Variants in DENND1A observed in about 807,000 individuals in gnomAD.
DENND1A encodes DENN domain containing 1A.
Under a neutral mutation model 113.7 loss-of-function variants are expected in DENND1A, and 51 were observed. That is an observed-to-expected ratio of 0.45 (90% CI 0.36 to 0.57). The LOEUF (loss-of-function observed/expected upper bound fraction) is 0.57. DENND1A is among the 20% of genes least tolerant of loss of function. The probability of loss-of-function intolerance (pLI) is 0.00; values close to 1 mark genes in which losing one functional copy is unlikely to be tolerated. For synonymous variants in DENND1A, 565 were observed against 570.8 expected, an observed-to-expected ratio of 0.99 and a Z score of 0.14; for missense variants, 1,258 against 1,395.9, an observed-to-expected ratio of 0.90 and a Z score of 1.57.
chr9:123,897,519 G>GTGT (rs1195648461), intron 1 of DENND1A, among the ~76,000 whole-genome samples: 1 of 152,152 alleles, frequency 6.6e-6, no homozygotes, highest in Admixed American at 6.5e-5. Flanking sequence ...GCGAAGCCCA[G>GTGT]ACTACATACA....
chr9:123,609,507 G>A, intron 10 of DENND1A, 26 bp from the exon 11 acceptor site: 1 of 1,610,142 alleles, frequency 6.2e-7, no homozygotes. Flanking sequence ...GAGACACACA[G>A]CTGCTTTAAT....
chr9:123,503,317 A>C (rs749329017), intron 13 of DENND1A, among the ~76,000 whole-genome samples: 3 of 152,168 alleles, frequency 2.0e-5, no homozygotes, highest in Non-Finnish European at 4.4e-5. Context: ...AGATGGTTTC[A>C]AGGAATAGCT....
At chr9:123,532,270 A>T (rs1490458033) in intron 13 of DENND1A, among the ~76,000 whole-genome samples, 1 of 152,258 alleles carries the variant, frequency 6.6e-6, no homozygotes, top group Non-Finnish European at 1.5e-5. Context: ...GATGATCAAA[A>T]TTAGAAAATT....
At chr9:123,557,508 C>T (rs1564714204) in intron 13 of DENND1A, 62 bp downstream of exon 13, 2 of 1,587,748 alleles carry the variant, frequency 1.3e-6, no homozygotes, top group African/African-American at 1.3e-5. Flanking sequence ...TCTTGTGGCC[C>T]CTGAGGTATG....
chr9:123,614,949 A>C (rs1268537842), intron 10 of DENND1A, among the ~76,000 whole-genome samples: 1 of 152,252 alleles, frequency 6.6e-6, no homozygotes, highest in Non-Finnish European at 1.5e-5. Context: ...TTGTGGTTTT[A>C]AATTCTGCTC....
chr9:123,591,020 T>C (rs2059431077), intron 11 of DENND1A, among the ~76,000 whole-genome samples: 1 of 152,140 alleles, frequency 6.6e-6, no homozygotes, highest in Non-Finnish European at 1.5e-5. Flanking sequence ...ATTTTTAACT[T>C]TTTCAATTCA....
intron 13 of DENND1A, among the ~76,000 whole-genome samples, chr9:123,499,727 G>C (rs894074154): frequency 1.3e-5 from 2 of 152,196 alleles, no homozygotes; most frequent in African/African-American, 2.4e-5. Flanking sequence ...TGTTGATGTT[G>C]GAAATTCATC....
chr9:123,413,293 T>C, intron 19 of DENND1A: 1 of 513,534 alleles, frequency 1.9e-6, no homozygotes, highest in Non-Finnish European at 2.5e-6. Context: ...TGATTACATG[T>C]TGAAATAATA....
chr9:123,650,808 G>A (rs1288133315), intron 9 of DENND1A, among the ~76,000 whole-genome samples: 1 of 147,060 alleles, frequency 6.8e-6, no homozygotes, highest in East Asian at 2.0e-4. Flanking sequence ...TTGGGTGACT[G>A]AAGCAAGAGA....
intron 22 of DENND1A, among the ~76,000 whole-genome samples, chr9:123,386,321 A>G (rs1298104771): frequency 6.6e-6 from 1 of 151,988 alleles, no homozygotes; most frequent in Non-Finnish European, 1.5e-5. Context: ...TTTGACATAC[A>G]GCAAAAGTGA....
chr9:123,626,879 G>T (rs111645419), intron 10 of DENND1A, among the ~76,000 whole-genome samples: 5 of 152,290 alleles, frequency 3.3e-5, no homozygotes, highest in African/African-American at 1.2e-4. Context: ...TCAGGAGACA[G>T]CACCCAGGCC....
intron 13 of DENND1A, among the ~76,000 whole-genome samples, chr9:123,502,363 TCTG>T (rs1204264318): frequency 1.3e-5 from 2 of 152,226 alleles, no homozygotes; most frequent in Non-Finnish European, 2.9e-5. Flanking sequence ...CTTGTTATTT[TCTG>T]CTTTTTTAAC....
intron 13 of DENND1A, among the ~76,000 whole-genome samples, chr9:123,497,972 T>C (rs1564603425): frequency 1.3e-5 from 2 of 152,344 alleles, no homozygotes; most frequent in Non-Finnish European, 1.5e-5. Context: ...TTGTAATTAC[T>C]GTGCAAGGAG....
At chr9:123,442,064 T>C (rs1296266940) in intron 18 of DENND1A, among the ~76,000 whole-genome samples, 2 of 152,214 alleles carry the variant, frequency 1.3e-5, no homozygotes, top group Non-Finnish European at 2.9e-5. Context: ...CAACTGAGTG[T>C]CAAGAATATT....
chr9:123,674,442 G>A (rs1018999435), intron 6 of DENND1A, among the ~76,000 whole-genome samples: 1 of 152,058 alleles, frequency 6.6e-6, no homozygotes, highest in Admixed American at 6.6e-5. Flanking sequence ...TTTTGGATGA[G>A]AGAAGGTTTC....
rs943722808 is a variant in DENND1A, at chr9:123,411,617, A to G, written c.1542+159T>C. On this transcript the variant is annotated intron_variant, in intron 20 of 23. Transcript: ENST00000394215. ...AAAGCAAGAGAAGCCCAGAGAATGC[A>G]AGCTCAAGTTCATGCCACACAGAGA... 6 of 285,400 alleles carry G rather than the reference A, an allele frequency of 2.1e-5. No individual in the cohort carries two copies. In the South Asian group the frequency reaches 6.6e-4, roughly 32 times the overall value. The allele number at this position is 285,400 out of a possible 1,614,324, so 17.7% of individuals were successfully genotyped here.
At chr9:123,412,448 AC>A (rs2044381830) in intron 19 of DENND1A, among the ~76,000 whole-genome samples, 1 of 151,958 alleles carries the variant, frequency 6.6e-6, no homozygotes, top group Admixed American at 6.5e-5. Flanking sequence ...GGGATCCCTC[AC>A]CCCTGCCCCC....
At chr9:123,859,311 C>A (rs1247531136) in intron 2 of DENND1A, among the ~76,000 whole-genome samples, 1 of 151,838 alleles carries the variant, frequency 6.6e-6, no homozygotes, top group Non-Finnish European at 1.5e-5. Flanking sequence ...ATTTACAGGA[C>A]CTGGAATAAA....
intron 2 of DENND1A, among the ~76,000 whole-genome samples, chr9:123,821,289 T>A (rs1286358606): frequency 6.6e-6 from 1 of 152,156 alleles, no homozygotes; most frequent in Non-Finnish European, 1.5e-5. Context: ...ACAGGAAATA[T>A]CTGAGTGTTG....
Sources: allele counts gnomAD v4.1 joint callset (sites outside exome capture counted in the v4.1 genomes callset), GRCh38; gene constraint gnomAD v4.1.1; transcripts MANE v1.5; gene names NCBI Gene and HGNC (gene_info 2026-07-23, HGNC 2026-07-21).